SRSF11: variants seen among roughly 807,000 people sequenced by gnomAD.
SRSF11 encodes the protein serine/arginine-rich splicing factor 11.
SRSF11 carries 9 observed loss-of-function variants against 56.0 expected under a neutral mutation model. That is an observed-to-expected ratio of 0.16 (90% confidence interval 0.10 to 0.28). The LOEUF is 0.28. Among genes scored for constraint, SRSF11 ranks in the 10% least tolerant of loss-of-function variants. SRSF11 has a pLI of 1.00. For synonymous variants in SRSF11, 222 were observed against 215.3 expected, an observed-to-expected ratio of 1.03 and a Z score of -0.27; for missense variants, 421 against 600.7, an observed-to-expected ratio of 0.70 and a Z score of 3.13.
intron 5 of SRSF11, among the ~76,000 whole-genome samples, chr1:70,237,103 T>C (rs1426282240): frequency 6.6e-6 from 1 of 152,168 alleles, no homozygotes; most frequent in Non-Finnish European, 1.5e-5. Context: ...TTTTAATTTA[T>C]ATGAATAAAA....
At chr1:70,206,149 A>C (rs1240200609) in intron 1 of SRSF11, among the ~76,000 whole-genome samples, 1 of 152,220 alleles carries the variant, frequency 6.6e-6, no homozygotes, top group Non-Finnish European at 1.5e-5. Flanking sequence ...GCAACATAGA[A>C]GACAAAAACA....
chr1:70,240,809 C>CT (rs1180279696), intron 7 of SRSF11, among the ~76,000 whole-genome samples: 59 of 138,312 alleles, frequency 4.3e-4, no homozygotes, highest in African/African-American at 1.6e-3. Context: ...GAGTCTCACT[C>CT]TTGTTGCCCA....
rs1470288939 is a variant in SRSF11, at chr1:70,250,445, A to T, written c.1199A>T (p.Lys400Met). Residue 400 changes from lysine (K) to methionine (M), a missense_variant, in exon 11 of 12, where the codon AAG becomes ATG. Around this residue, in one of 2 missense-constraint regions of SRSF11, gnomAD observed 253 missense variants for 305.8 expected, o/e 0.83. Coordinates refer to ENST00000370949, the MANE Select transcript of SRSF11 (RefSeq NM_001350605.2). ...GAACGATCAACAAGCAAGAAGAAGAAGAGTAAAGATAAGGAAAAGGACCGG... is the reference window on the plus strand; with the variant it reads ...GAACGATCAACAAGCAAGAAGAAGATGAGTAAAGATAAGGAAAAGGACCGG... ...ERERSTSKKK[K>M]SKDKEKDRER... 2 of 1,590,726 alleles carry T rather than the reference A, an allele frequency of 1.3e-6. No individual in the cohort carries two copies. Among genetic ancestry groups the T allele is most frequent in the African/African-American group, 1.3e-5 (1 of 74,390 alleles).
Position 70,221,443 on chromosome 1 carries a change from C to A in SRSF11, c.-194C>A. 1 of 769,240 alleles carries A rather than the reference C, an allele frequency of 1.3e-6. No homozygotes were observed. Among genetic ancestry groups the A allele is most frequent in the Non-Finnish European group, 2.1e-6 (1 of 486,122 alleles). The allele number at this position is 769,240 out of a possible 1,614,324, so 47.7% of individuals were successfully genotyped here. On this transcript the variant is annotated 5_prime_UTR_variant, in exon 1 of 12. Coordinates refer to ENST00000370949, the MANE Select transcript of SRSF11 (RefSeq NM_001350605.2). Reference sequence around the variant, plus strand: ...TTTCTCGTGGTCTCGAGCTCGCGCGCTCTCATCCCCTCCCCCGCGGCGTGC... The same window carrying A: ...TTTCTCGTGGTCTCGAGCTCGCGCGATCTCATCCCCTCCCCCGCGGCGTGC...
intron 7 of SRSF11, among the ~76,000 whole-genome samples, chr1:70,240,099 A>G (rs2100873327): frequency 6.6e-6 from 1 of 152,356 alleles, no homozygotes; most frequent in South Asian, 2.1e-4. Flanking sequence ...AGTTCAGCTC[A>G]TAACTCAACA....
At chr1:70,231,258 G>A in intron 2 of SRSF11, 1 of 1,191,198 alleles carries the variant, frequency 8.4e-7, no homozygotes, top group South Asian at 1.6e-5. Context: ...AATACTACTG[G>A]TATTTGCAAA....
chr1:70,250,065 T>G lies in SRSF11; in HGVS notation c.1118+18T>G, dbSNP rs762195930. 2.1e-5 allele frequency: 34 copies of G among 1,583,532 alleles called. No individual in the cohort carries two copies. In the South Asian group the frequency reaches 2.4e-4, roughly 11 times the overall value. Reference sequence around the variant, plus strand: ...CCTAGGAGGTAAGAATGTTAATCATTTAAATGTATTTTTTATATTTTTCAG... The same window carrying G: ...CCTAGGAGGTAAGAATGTTAATCATGTAAATGTATTTTTTATATTTTTCAG... On this transcript the variant is annotated intron_variant, in intron 10 of 11. Coordinates refer to ENST00000370949, the MANE Select transcript of SRSF11 (RefSeq NM_001350605.2).
At position 70,250,833 on chromosome 1, in the gene SRSF11, A is replaced by G. The variant is rs373107898; in HGVS notation, c.*28A>G. 1 of 1,578,988 alleles carries G rather than the reference A, an allele frequency of 6.3e-7. No individual in the cohort carries two copies. The highest frequency in any genetic ancestry group is 8.7e-7 in the Non-Finnish European group (1 of 1,149,046). ...ATTGCCTCTGAGGGAGTCCAACTGT[A>G]TACCTGCATCAGTGTCATTCCTTTG... On this transcript the variant is annotated 3_prime_UTR_variant, in exon 12 of 12. Coordinates refer to ENST00000370949, the MANE Select transcript of SRSF11 (RefSeq NM_001350605.2).
intron 2 of SRSF11, chr1:70,231,325 G>A: frequency 8.7e-7 from 1 of 1,152,376 alleles, no homozygotes; most frequent in Non-Finnish European, 1.1e-6. Flanking sequence ...CACATTAACA[G>A]ATTAATCCAT....
At chr1:70,219,383 A>G (rs1670305409), upstream of SRSF11, among the ~76,000 whole-genome samples, 1 of 152,242 alleles carries the variant, frequency 6.6e-6, no homozygotes, top group African/African-American at 2.4e-5. Context: ...TAATCTGTGC[A>G]CATCCTCCCA....
chr1:70,247,172 T>C (rs537600453), intron 9 of SRSF11: 25 of 930,788 alleles, frequency 2.7e-5, no homozygotes, highest in Non-Finnish European at 3.4e-5. Flanking sequence ...CTTTATAGTT[T>C]AAGTTTTAAT....
At chr1:70,236,864 C>T (rs1019967407) in intron 5 of SRSF11, among the ~76,000 whole-genome samples, 2 of 122,276 alleles carry the variant, frequency 1.6e-5, no homozygotes, top group Admixed American at 1.1e-4. Context: ...AGTGCAGTGG[C>T]GCGATGTCTG....
At chr1:70,237,022 C>T (rs542305678) in intron 5 of SRSF11, among the ~76,000 whole-genome samples, 7 of 151,972 alleles carry the variant, frequency 4.6e-5, no homozygotes, top group African/African-American at 1.7e-4. Flanking sequence ...CTCCTGACCT[C>T]GTGATCCACC....
rs79690914 is a variant in SRSF11, at chr1:70,233,666, A to G, written c.448-1030A>G. Among the ~76,000 whole-genome samples the G allele has an allele frequency of 4.2e-3, 639 of 152,364 alleles. 15 individuals are homozygous for G. The East Asian group carries it at 0.054, about 13-fold the overall frequency. ...ACGAATAAACAGTTAAATTATAGAA[A>G]GTTTGATAGTTTGTGTTTACTAAAT... On this transcript the variant is annotated intron_variant, in intron 3 of 11. Transcript: ENST00000370949.
chr1:70,230,144 A>G (rs1289046448), intron 2 of SRSF11: 3 of 984,366 alleles, frequency 3.0e-6, no homozygotes, highest in Non-Finnish European at 3.6e-6. Context: ...ATAATACAGT[A>G]TATCATATAA....
At chr1:70,228,395 C>T in intron 1 of SRSF11, 27 bp from the exon 2 acceptor site, 1 of 1,562,472 alleles carries the variant, frequency 6.4e-7, no homozygotes, top group Non-Finnish European at 8.8e-7. Flanking sequence ...TTCTGTTTCT[C>T]TTTTATGTTA....
chr1:70,227,103 T>C (rs1006897861), intron 1 of SRSF11, among the ~76,000 whole-genome samples: 9 of 152,176 alleles, frequency 5.9e-5, no homozygotes, highest in Non-Finnish European at 1.3e-4. Flanking sequence ...TCTCAGGCCA[T>C]ATATAGCATC....
intron 1 of SRSF11, among the ~76,000 whole-genome samples, chr1:70,212,116 C>CT (rs1669610997): frequency 4.6e-5 from 7 of 151,958 alleles, no homozygotes; most frequent in Admixed American, 4.6e-4. Flanking sequence ...ACTTACTGTA[C>CT]TTTATTTTTA....
intron 7 of SRSF11, among the ~76,000 whole-genome samples, chr1:70,240,132 C>A (rs1454342734): frequency 1.3e-5 from 2 of 152,130 alleles, no homozygotes; most frequent in African/African-American, 4.8e-5. Context: ...TTAATACAGC[C>A]ATTATACTTC....
Sources: gnomAD v4.1 joint callset for allele counts (sites outside exome capture counted in the v4.1 genomes callset) on GRCh38, gnomAD v4.1.1 for gene constraint, gnomAD v4.1.1 regional missense constraint, MANE v1.5 for transcripts, NCBI Gene and HGNC (gene_info 2026-07-23, HGNC 2026-07-21) for gene names.